CNTN5: variants seen among roughly 807,000 people sequenced by gnomAD.
CNTN5 encodes contactin 5, also known as contactin-5.
A neutral mutation model predicts 129.1 loss-of-function variants in CNTN5; 77 were observed. The observed-to-expected ratio is 0.60, with a 90% CI of 0.50 to 0.72. CNTN5 has a LOEUF of 0.72. Among genes scored for constraint, CNTN5 ranks in the 30% least tolerant of loss-of-function variants. The probability of loss-of-function intolerance (pLI) is 0.00; values close to 1 mark genes in which losing one functional copy is unlikely to be tolerated. For synonymous variants in CNTN5, 509 were observed against 465.6 expected (o/e 1.09, Z -1.20); for missense variants, 1,478 against 1,328.8 (o/e 1.11, Z -1.75).
chr11:99,205,162 A>G (rs1859413236), intron 1 of CNTN5, among the ~76,000 whole-genome samples: 1 of 109,426 alleles, frequency 9.1e-6, no homozygotes, highest in Non-Finnish European at 1.9e-5. Flanking sequence ...AAACTCAATA[A>G]GCAAACAAAC....
chr11:99,875,417 A>G (rs889516903), intron 6 of CNTN5, among the ~76,000 whole-genome samples: 1 of 152,126 alleles, frequency 6.6e-6, no homozygotes, highest in Non-Finnish European at 1.5e-5. Flanking sequence ...CAAAATAACA[A>G]GTTATCAATT....
Position 99,917,876 on chromosome 11 carries a change from T to C in CNTN5, c.673+1727T>C, listed in dbSNP as rs540923937. Among the ~76,000 whole-genome samples, 8 of 152,278 alleles carry C rather than the reference T, an allele frequency of 5.3e-5. No individual in the cohort carries two copies. In the East Asian group the frequency reaches 1.5e-3, roughly 29 times the overall value. Reference sequence around the variant, plus strand: ...ACTAATAACTGATTAAGTAATAATGTGATCTCTGATTGAGATCAATATATG... The same window carrying C: ...ACTAATAACTGATTAAGTAATAATGCGATCTCTGATTGAGATCAATATATG... On this transcript the variant is annotated intron_variant, in intron 7 of 24. Coordinates refer to ENST00000524871, the MANE Select transcript of CNTN5 (RefSeq NM_014361.4).
rs1944342735 is a variant in CNTN5 at position 99,754,361 on chromosome 11, CCT to C, written c.56-65179_56-65178del. 2.0e-5 allele frequency among the ~76,000 whole-genome samples: 3 copies of C among 152,078 alleles called. No homozygotes were observed. In the South Asian group the frequency reaches 6.2e-4, roughly 31 times the overall value. ...TTAGCTCACATACTGCAGTCTTTTC[CCT>C]CTCAAACTATTTTTTATTCTTCTCT... is the stretch of plus-strand genomic sequence containing the variant. On this transcript the variant is annotated intron_variant, in intron 3 of 24. Coordinates refer to ENST00000524871, the MANE Select transcript of CNTN5 (RefSeq NM_014361.4).
intron 3 of CNTN5, among the ~76,000 whole-genome samples, chr11:99,736,240 A>C (rs1453818757): frequency 6.6e-6 from 1 of 152,298 alleles, no homozygotes; most frequent in African/African-American, 2.4e-5. Flanking sequence ...TGTAACAGCA[A>C]GCTTATCTGT....
chr11:99,434,876 C>T (rs1162401454), intron 2 of CNTN5, among the ~76,000 whole-genome samples: 1 of 152,130 alleles, frequency 6.6e-6, no homozygotes, highest in Non-Finnish European at 1.5e-5. Flanking sequence ...GAACATCATA[C>T]TTCTCAATTT....
At chr11:99,476,648 A>G (rs765037819) in intron 2 of CNTN5, among the ~76,000 whole-genome samples, 13 of 152,110 alleles carry the variant, frequency 8.5e-5, no homozygotes, top group Non-Finnish European at 1.6e-4. Context: ...TTCTTCAATG[A>G]GTGGTCAGAT....
intron 3 of CNTN5, among the ~76,000 whole-genome samples, chr11:99,787,286 C>A (rs2439603): frequency 1 from 151,650 of 151,650 alleles, 75,825 homozygotes; most frequent in Non-Finnish European, 1. Flanking sequence ...TATATTTAAC[C>A]AAAAACAGTA....
At chr11:100,074,033 A>G in intron 12 of CNTN5, 111 bp from the exon 13 acceptor site, 1 of 974,968 alleles carries the variant, frequency 1.0e-6, no homozygotes, top group Admixed American at 2.9e-5. Flanking sequence ...ATATACTATG[A>G]TTTTATGAGA....
chr11:99,855,492 A>G (rs543593249), intron 6 of CNTN5, among the ~76,000 whole-genome samples: 1 of 152,316 alleles, frequency 6.6e-6, no homozygotes, highest in African/African-American at 2.4e-5. Flanking sequence ...ATCATAATGA[A>G]TATTGATTTT....
intron 2 of CNTN5, among the ~76,000 whole-genome samples, chr11:99,431,566 G>T (rs1039363120): frequency 3.9e-5 from 6 of 152,156 alleles, no homozygotes; most frequent in Non-Finnish European, 7.4e-5. Context: ...TTGTCATGTT[G>T]GTTTGGGCAT....
intron 3 of CNTN5, among the ~76,000 whole-genome samples, chr11:99,574,090 G>A (rs2726381): frequency 0.2 from 30,571 of 151,992 alleles, 3,959 homozygotes; most frequent in Middle Eastern, 0.3. Context: ...GGTGTGTGAT[G>A]TTTCCCTCCC....
chr11:99,088,003 A>G (rs367591065), intron 1 of CNTN5, among the ~76,000 whole-genome samples: 49 of 152,300 alleles, frequency 3.2e-4, no homozygotes, highest in Middle Eastern at 6.8e-3. Context: ...CCTAAATTTT[A>G]TCTTGCACTA....
chr11:100,090,897 G>A (rs1944758403), intron 13 of CNTN5, among the ~76,000 whole-genome samples: 1 of 151,820 alleles, frequency 6.6e-6, no homozygotes, highest in Non-Finnish European at 1.5e-5. Flanking sequence ...CTAAGAACTG[G>A]CCTCTCTTTA....
intron 2 of CNTN5, among the ~76,000 whole-genome samples, chr11:99,466,299 C>T (rs1944940288): frequency 6.6e-6 from 1 of 152,186 alleles, no homozygotes; most frequent in Admixed American, 6.5e-5. Context: ...CCTCTTCCAA[C>T]ATTGGGTATT....
intron 3 of CNTN5, among the ~76,000 whole-genome samples, chr11:99,693,759 C>T (rs534935707): frequency 2.0e-5 from 3 of 152,168 alleles, no homozygotes; most frequent in African/African-American, 4.8e-5. Context: ...AATAATGTGA[C>T]GTGTATGTTT....
rs978434230 is a variant in CNTN5 at position 99,956,990 on chromosome 11, A to C, written c.858A>C (p.Pro286=). The change falls in exon 8 of 25, where the codon CCA becomes CCC. Residue 286 remains proline (P), a synonymous_variant. Transcript: ENST00000524871. ...TNARVLSPPT[P]LTLRNDGVMG... ...CTAGAGTCCTTAGTCCTCCAACGCC[A>C]CTCACTCTGCGTAATGATGGTAAGT... is the stretch of plus-strand genomic sequence containing the variant. 1.2e-6 allele frequency: 2 copies of C among 1,613,622 alleles called. No individual in the cohort carries two copies. Among genetic ancestry groups the C allele is most frequent in the Non-Finnish European group, 1.7e-6 (2 of 1,179,730 alleles).
intron 3 of CNTN5, among the ~76,000 whole-genome samples, chr11:99,664,907 G>C (rs1371051262): frequency 6.6e-6 from 1 of 152,066 alleles, no homozygotes; most frequent in Non-Finnish European, 1.5e-5. Flanking sequence ...GTATAATGTG[G>C]AATGCCAAAT....
At chr11:99,040,163 A>G (rs1863931271) in intron 1 of CNTN5, among the ~76,000 whole-genome samples, 1 of 152,132 alleles carries the variant, frequency 6.6e-6, no homozygotes, top group South Asian at 2.1e-4. Context: ...CAGGAAGTGG[A>G]AAAACATGAT....
At chr11:99,256,413 A>T (rs1038928238) in intron 1 of CNTN5, among the ~76,000 whole-genome samples, 5 of 152,100 alleles carry the variant, frequency 3.3e-5, no homozygotes, top group Non-Finnish European at 5.9e-5. Flanking sequence ...AAAACTATTA[A>T]GAGTGAAGAA....
Sources: allele counts gnomAD v4.1 joint callset (sites outside exome capture counted in the v4.1 genomes callset), GRCh38; gene constraint gnomAD v4.1.1; transcripts MANE v1.5; gene names NCBI Gene and HGNC (gene_info 2026-07-23, HGNC 2026-07-21).